The following SUGCT variants were observed in gnomAD, a reference collection of about 807,000 sequenced individuals.
The protein encoded by SUGCT is succinyl-CoA:glutarate-CoA transferase.
SUGCT carries 41 observed loss-of-function variants against 55.0 expected under a neutral mutation model. The ratio of observed to expected loss-of-function variants is 0.74; its 90% CI spans 0.58 to 0.97. The LOEUF is 0.97. Among genes scored for constraint, SUGCT ranks in the 50% least tolerant of loss-of-function variants. The pLI is 0.00. For missense variants in SUGCT, 568 were observed against 547.8 expected, an observed-to-expected ratio of 1.04 and a Z score of -0.37; for synonymous variants, 187 against 200.4, an observed-to-expected ratio of 0.93 and a Z score of 0.56.
chr7:40,184,763 T>C (rs1176060413), intron 3 of SUGCT, among the ~76,000 whole-genome samples: 1 of 152,256 alleles, frequency 6.6e-6, no homozygotes, highest in African/African-American at 2.4e-5. Context: ...AGTGTGTATG[T>C]ATCTCTAAGA....
At chr7:40,393,486 C>T (rs998836106) in intron 9 of SUGCT, among the ~76,000 whole-genome samples, 1 of 152,024 alleles carries the variant, frequency 6.6e-6, no homozygotes, top group African/African-American at 2.4e-5. Flanking sequence ...CTTGAGGCAG[C>T]AAGTAGGGAA....
At position 40,860,361 on chromosome 7, in the gene SUGCT, C is replaced by T. The variant is rs369317536; in HGVS notation, c.1199C>T (p.Pro400Leu). Residue 400 changes from proline to leucine, a missense_variant, in exon 14 of 14, where the codon CCG becomes CTG. Physicochemically the swap from Pro to Leu is moderately conservative, Grantham distance 98. Transcript: ENST00000335693. The part of the protein sequence containing the change: ...YSKFKMSEAR[P>L]PPLLGQHTTH... Reference sequence around the variant, plus strand: ...AAGTTCAAGATGTCAGAGGCCAGGCCGCCCCCGCTGCTCGGGCAGCACACA... The same window carrying T: ...AAGTTCAAGATGTCAGAGGCCAGGCTGCCCCCGCTGCTCGGGCAGCACACA... 5.6e-6 allele frequency: 9 copies of T among 1,613,824 alleles called. No individual in the cohort carries two copies. The highest frequency in any genetic ancestry group is 2.7e-5 in the African/African-American group (2 of 74,910).
the SUGCT span, among the ~76,000 whole-genome samples, chr7:40,934,224 G>A: frequency 3.3e-5 from 5 of 152,176 alleles, no homozygotes; most frequent in African/African-American, 1.2e-4. Context: ...GAGTTTGCTG[G>A]AGGTCCACTG....
chr7:40,389,192 G>A (rs1294922010), intron 9 of SUGCT, among the ~76,000 whole-genome samples: 1 of 152,170 alleles, frequency 6.6e-6, no homozygotes, highest in Non-Finnish European at 1.5e-5. Flanking sequence ...GCTTATGACT[G>A]TAATCCTAGC....
intron 12 of SUGCT, among the ~76,000 whole-genome samples, chr7:40,673,083 A>G (rs1432725269): frequency 6.6e-6 from 1 of 152,200 alleles, no homozygotes; most frequent in East Asian, 1.9e-4. Flanking sequence ...TATCAATATC[A>G]GTAATATTTT....
chr7:40,871,956 C>T, the SUGCT span, among the ~76,000 whole-genome samples: 1 of 152,112 alleles, frequency 6.6e-6, no homozygotes, highest in Non-Finnish European at 1.5e-5. Context: ...GCAATTTTTT[C>T]CCTCATGGGA....
At chr7:40,171,316 C>G (rs1315694697) in intron 1 of SUGCT, among the ~76,000 whole-genome samples, 1 of 152,182 alleles carries the variant, frequency 6.6e-6, no homozygotes, top group African/African-American at 2.4e-5. Flanking sequence ...GTAAACAGCT[C>G]ACATGTTTGA....
chr7:40,233,405 G>A (rs1788834250), intron 6 of SUGCT, among the ~76,000 whole-genome samples: 1 of 151,968 alleles, frequency 6.6e-6, no homozygotes, highest in Admixed American at 6.6e-5. Flanking sequence ...ATCTTTAGTA[G>A]AGACAGGGTT....
intron 12 of SUGCT, among the ~76,000 whole-genome samples, chr7:40,516,755 A>G (rs1793258327): frequency 1.3e-5 from 2 of 152,132 alleles, no homozygotes; most frequent in Non-Finnish European, 2.9e-5. Flanking sequence ...TTTGAAATGA[A>G]GAAGTGTCTG....
chr7:40,339,334 G>T (rs914476217), intron 9 of SUGCT, among the ~76,000 whole-genome samples: 11 of 152,212 alleles, frequency 7.2e-5, no homozygotes, highest in African/African-American at 2.4e-4. Context: ...GCTATGCCCT[G>T]CCCCCAGAGG....
chr7:40,196,131 T>G (rs1786277565), intron 6 of SUGCT, among the ~76,000 whole-genome samples: 1 of 152,192 alleles, frequency 6.6e-6, no homozygotes, highest in South Asian at 2.1e-4. Flanking sequence ...GTCTTCCAAT[T>G]GTTCAGCCCT....
chr7:40,807,669 C>T (rs78818493), intron 13 of SUGCT, among the ~76,000 whole-genome samples: 13,280 of 152,026 alleles, frequency 0.087, 668 homozygotes, highest in Middle Eastern at 0.17. Context: ...TGGACATGTC[C>T]CATGGTGTAT....
intron 12 of SUGCT, among the ~76,000 whole-genome samples, chr7:40,578,414 T>C (rs1796890933): frequency 6.6e-6 from 1 of 151,998 alleles, no homozygotes; most frequent in Non-Finnish European, 1.5e-5. Flanking sequence ...ATTTAATGGG[T>C]TTGGGGTGTG....
the SUGCT span, chr7:40,964,777 G>T: frequency 7.2e-5 from 11 of 152,200 alleles, no homozygotes; most frequent in African/African-American, 4.8e-5. Context: ...TGGGGTGTTG[G>T]TAGGAGAGTA....
At chr7:40,249,687 C>T (rs1790225769) in intron 7 of SUGCT, among the ~76,000 whole-genome samples, 2 of 152,162 alleles carry the variant, frequency 1.3e-5, no homozygotes, top group South Asian at 4.1e-4. Flanking sequence ...TAACATGACA[C>T]TGCTTAAATA....
intron 1 of SUGCT, among the ~76,000 whole-genome samples, chr7:40,145,878 G>A (rs576853778): frequency 1.1e-4 from 16 of 152,134 alleles, no homozygotes; most frequent in Non-Finnish European, 1.5e-4. Flanking sequence ...AATACCCATT[G>A]TGTCTTTTTC....
chr7:40,903,182 T>C, the SUGCT span, among the ~76,000 whole-genome samples: 1 of 151,966 alleles, frequency 6.6e-6, no homozygotes, highest in Non-Finnish European at 1.5e-5. Context: ...TAGGCGCGTG[T>C]CACCACTTGC....
intron 13 of SUGCT, among the ~76,000 whole-genome samples, chr7:40,757,140 G>A (rs893360441): frequency 6.6e-6 from 1 of 152,148 alleles, no homozygotes; most frequent in African/African-American, 2.4e-5. Flanking sequence ...AGGTGGGGTA[G>A]TAGACATTGT....
chr7:40,364,601 TGG>T (rs1196089035), intron 9 of SUGCT, among the ~76,000 whole-genome samples: 10 of 152,222 alleles, frequency 6.6e-5, no homozygotes, highest in African/African-American at 2.4e-4. Context: ...TATGAAATTC[TGG>T]GTTGAAAATT....
Sources: allele counts gnomAD v4.1 joint callset (sites outside exome capture counted in the v4.1 genomes callset), GRCh38; gene constraint gnomAD v4.1.1; transcripts MANE v1.5; gene names NCBI Gene and HGNC (gene_info 2026-07-23, HGNC 2026-07-21).